ITGA7: variants seen among roughly 807,000 people sequenced by gnomAD.
ITGA7 encodes integrin alpha-7.
ITGA7 carries 84 observed loss-of-function variants against 131.6 expected under a neutral mutation model. The ratio of observed to expected loss-of-function variants is 0.64; its 90% CI spans 0.54 to 0.77. The LOEUF is 0.77. ITGA7 is among the 30% of genes least tolerant of loss of function. ITGA7 has a pLI of 0.00. For missense variants in ITGA7, 1,399 were observed against 1,482.9 expected (o/e 0.94, Z 0.93); for synonymous variants, 548 against 600.7 (o/e 0.91, Z 1.28).
intron 12 of ITGA7, 93 bp downstream of exon 12, chr12:55,696,806 C>A (rs146727675): frequency 6.9e-7 from 1 of 1,441,018 alleles, no homozygotes; most frequent in Non-Finnish European, 9.7e-7. Context: ...GAAGGAGGCA[C>A]GAGTGTGCTC....
rs1247274074 is a variant in ITGA7 at position 55,685,023 on chromosome 12, G to A, written c.*35C>T. On this transcript the variant is annotated 3_prime_UTR_variant, in exon 25 of 25. Coordinates refer to ENST00000257879, the MANE Select transcript of ITGA7 (RefSeq NM_002206.3). ...AGGAGCCATCTCTGGGGAAGGGATG[G>A]AGGGCAGCCACAGGCCAGGCTGGGA... The A allele has an allele frequency of 6.6e-7, 1 of 1,512,730 alleles. No homozygotes were observed. Among genetic ancestry groups the A allele is most frequent in the African/African-American group, 1.4e-5 (1 of 73,222 alleles). The allele number at this position is 1,512,730 out of a possible 1,614,324, so 93.7% of individuals were successfully genotyped here.
upstream of ITGA7, among the ~76,000 whole-genome samples, chr12:55,710,758 G>A (rs778445196): frequency 6.6e-6 from 1 of 152,110 alleles, no homozygotes; most frequent in Non-Finnish European, 1.5e-5. Flanking sequence ...GTGAGACCCT[G>A]TCTCCAAACA....
intron 3 of ITGA7, among the ~76,000 whole-genome samples, chr12:55,701,693 A>T (rs1874058080): frequency 1.3e-5 from 2 of 151,022 alleles, no homozygotes; most frequent in Non-Finnish European, 3.0e-5. Context: ...TGATCCTCCC[A>T]CCTCAGCCTC....
chr12:55,693,986 G>A (rs981752546), intron 19 of ITGA7, 35 bp downstream of exon 19: 7 of 1,526,888 alleles, frequency 4.6e-6, no homozygotes, highest in Non-Finnish European at 4.5e-6. Flanking sequence ...AAGGAGGGAG[G>A]GTGACCATGG....
At chr12:55,696,494 C>T in intron 12 of ITGA7, 62 bp from the exon 13 acceptor site, 1 of 1,534,700 alleles carries the variant, frequency 6.5e-7, no homozygotes, top group Admixed American at 1.9e-5. Flanking sequence ...CTGCTCAGTG[C>T]CCCAGCCAGA....
chr12:55,701,510 G>T, intron 3 of ITGA7: 1 of 1,245,550 alleles, frequency 8.0e-7, no homozygotes, highest in Non-Finnish European at 1.1e-6. Context: ...GCTTGGCCCT[G>T]TCCCTGGACC....
At chr12:55,710,513 A>G (rs1028437605), upstream of ITGA7, among the ~76,000 whole-genome samples, 3 of 151,988 alleles carry the variant, frequency 2.0e-5, no homozygotes, top group Admixed American at 1.3e-4. Flanking sequence ...ACAGTGGCTC[A>G]TGCCTGCAAT....
upstream of ITGA7, among the ~76,000 whole-genome samples, chr12:55,714,517 C>A (rs1352799745): frequency 8.3e-5 from 10 of 120,462 alleles, no homozygotes; most frequent in Admixed American, 2.6e-4. Flanking sequence ...GACTCCGTCT[C>A]AAAAAAAAAA....
At chr12:55,697,341 C>T in intron 10 of ITGA7, 64 bp from the exon 11 acceptor site, 1 of 1,578,122 alleles carries the variant, frequency 6.3e-7, no homozygotes, top group Non-Finnish European at 8.6e-7. Flanking sequence ...CTACCCCCAC[C>T]CCATCTGTCA....
upstream of ITGA7, chr12:55,716,234 C>A (rs377467243): frequency 4.5e-6 from 7 of 1,572,962 alleles, no homozygotes; most frequent in Admixed American, 1.9e-5. Flanking sequence ...TCTCTTCGGC[C>A]GCGGCCTAGC....
Position 55,692,847 on chromosome 12 carries a change from G to T in ITGA7, c.2841C>A (p.Thr947=), listed in dbSNP as rs1871749081. The T allele has an allele frequency of 6.2e-7, 1 of 1,610,582 alleles. No individual in the cohort carries two copies. The highest frequency in any genetic ancestry group is 1.3e-5 in the African/African-American group (1 of 74,822). Reference sequence around the variant, plus strand: ...ACCGAGTCTGGCCTGCCCTCACCAGGGTGATGTTTTTCTTCTTCTCAGCAG... The same window carrying T: ...ACCGAGTCTGGCCTGCCCTCACCAGTGTGATGTTTTTCTTCTTCTCAGCAG... ...VSSAEKKKNI[T]LDCARGTANC... is the part of the protein sequence containing the mutation. Residue 947 remains threonine (T), a synonymous_variant, in exon 21 of 25, where the codon ACC becomes ACA. Transcript: ENST00000257879.
rs1592455919 is a variant in ITGA7 at position 55,698,907 on chromosome 12, A to G, written c.801T>C (p.Ile267=). 6.2e-7 allele frequency: 1 copy of G among 1,611,966 alleles called. No individual in the cohort carries two copies. Among genetic ancestry groups the G allele is most frequent in the Non-Finnish European group, 8.5e-7 (1 of 1,179,100 alleles). The change falls in exon 6 of 25, where the codon ATT becomes ATC. Residue 267 remains isoleucine (I), a synonymous_variant. Coordinates refer to ENST00000257879, the MANE Select transcript of ITGA7 (RefSeq NM_002206.3). ...LALNSYLGFS[I]DSGKGLVRAE... Reference sequence around the variant, plus strand: ...CACGCACCAGACCTTTCCCCGAGTCAATAGAGAAGCCTGGGGGAAGGGTGA... The same window carrying G: ...CACGCACCAGACCTTTCCCCGAGTCGATAGAGAAGCCTGGGGGAAGGGTGA...
intron 12 of ITGA7, 146 bp downstream of exon 12, chr12:55,696,753 G>A: frequency 1.1e-6 from 1 of 907,688 alleles, no homozygotes; most frequent in Non-Finnish European, 1.7e-6. Context: ...AGATGAGGAG[G>A]AAGTGAGCTC....
At position 55,687,989 on chromosome 12, in the gene ITGA7, C is replaced by T. The variant is rs1870596916; in HGVS notation, c.3165G>A (p.Leu1055=). The T allele has an allele frequency of 6.2e-7, 1 of 1,614,172 alleles. No individual in the cohort carries two copies. The highest frequency in any genetic ancestry group is 2.2e-5 in the East Asian group (1 of 44,876). ...VLAGLLVLAL[L]VLLLWKMGFF... The stretch of plus-strand genomic sequence containing the variant: ...GCCTCACCTTCCACAGGAGCAGCAC[C>T]AGCAGTGCTAGCACCAGCAGCCCAG... The change falls in exon 24 of 25, where the codon CTG becomes CTA. Residue 1055 remains leucine, a synonymous_variant. Coordinates refer to ENST00000257879, the MANE Select transcript of ITGA7 (RefSeq NM_002206.3).
chr12:55,700,018 AG>A (rs1288501408), intron 4 of ITGA7, 29 bp from the exon 5 acceptor site: 1 of 1,613,260 alleles, frequency 6.2e-7, no homozygotes, highest in South Asian at 1.1e-5. Flanking sequence ...GACACCAGGG[AG>A]GGGACATCCA....
rs1261323157 is a variant in ITGA7, at chr12:55,694,559, G to A, written c.2278-37C>T. On this transcript the variant is annotated intron_variant, in intron 16 of 24. Coordinates refer to ENST00000257879, the MANE Select transcript of ITGA7 (RefSeq NM_002206.3). This position sits in a 1 kb window ranked among gnomAD's most constrained non-coding sequence, Gnocchi z 5.3. ...GTGGAAAGAGATTAGAGTCAGGGGT[G>A]GTCTACGGGCTTATGGAGAGGCTAC... is the stretch of plus-strand genomic sequence containing the variant. The A allele has an allele frequency of 1.2e-6, 2 of 1,612,804 alleles. No homozygotes were observed. The highest frequency in any genetic ancestry group is 2.2e-5 in the South Asian group (2 of 91,064).
Position 55,698,106 on chromosome 12 carries a change from C to T in ITGA7, c.1193-80G>A, listed in dbSNP as rs1592451238. ...TCCAGGCCTCAACTCCCCCCAGTCA[C>T]TCAGGTATGTTTTCTATTTTATTGA... On this transcript the variant is annotated intron_variant, in intron 7 of 24. Transcript: ENST00000257879. 1.2e-5 allele frequency: 15 copies of T among 1,294,540 alleles called. No individual in the cohort carries two copies. In the East Asian group the frequency reaches 3.2e-4, roughly 28 times the overall value. The allele number at this position is 1,294,540 out of a possible 1,614,324, so 80.2% of individuals were successfully genotyped here.
chr12:55,699,084 C>A (rs1045834619), intron 5 of ITGA7, among the ~76,000 whole-genome samples, 167 bp from the exon 6 acceptor site: 2 of 151,984 alleles, frequency 1.3e-5, no homozygotes, highest in African/African-American at 4.8e-5. Flanking sequence ...ATAGGTCCCC[C>A]CAAGTCATCA....
Position 55,707,489 on chromosome 12 carries a change from C to T in ITGA7, c.194G>A (p.Arg65Gln), listed in dbSNP as rs775406027. 6.2e-7 allele frequency: 1 copy of T among 1,613,244 alleles called. No individual in the cohort carries two copies. Among genetic ancestry groups the T allele is most frequent in the Non-Finnish European group, 8.5e-7 (1 of 1,179,742 alleles). Residue 65 changes from arginine (R) to glutamine (Q), a missense_variant, in exon 1 of 25, where the codon CGA becomes CAA. Arg to Gln is a conservative substitution (Grantham distance 43). Transcript: ENST00000257879. ...SVALHRQLQP[R>Q]PQSWLLVGAP... is the part of the protein sequence containing the mutation. Reference sequence around the variant, plus strand: ...TGCGGTGACTCACCAGCTCTGGGGTCGGGGCTGCAACTGCCGGTGCAGGGC... The same window carrying T: ...TGCGGTGACTCACCAGCTCTGGGGTTGGGGCTGCAACTGCCGGTGCAGGGC...
Sources: allele counts gnomAD v4.1 joint callset (sites outside exome capture counted in the v4.1 genomes callset), GRCh38; gene constraint gnomAD v4.1.1; non-coding constraint Gnocchi (gnomAD v3.1); transcripts MANE v1.5; gene names NCBI Gene and HGNC (gene_info 2026-07-23, HGNC 2026-07-21).